The following COX16 variants were observed in gnomAD, a reference collection of about 807,000 sequenced individuals.
The protein encoded by COX16 is cytochrome c oxidase assembly protein COX16 homolog, mitochondrial.
Under a neutral mutation model 15.4 loss-of-function variants are expected in COX16, and 12 were observed. The observed-to-expected ratio is 0.78, with a 90% confidence interval of 0.50 to 1.26. COX16 has a LOEUF of 1.26. COX16 is among the 50% of genes most tolerant of loss of function. COX16 has a pLI of 0.00. For missense variants in COX16, 124 were observed against 127.6 expected (o/e 0.97, Z 0.14); for synonymous variants, 46 against 41.1 (o/e 1.12, Z -0.46).
At chr14:70,345,575 C>T (rs187815459) in intron 1 of COX16, among the ~76,000 whole-genome samples, 286 of 152,268 alleles carry the variant, frequency 1.9e-3, no homozygotes, top group Non-Finnish European at 3.2e-3. Context: ...TGCAATACAG[C>T]CTGGCCACAG....
Position 70,342,723 on chromosome 14 carries a change from T to C in COX16, c.76A>G (p.Ile26Val), listed in dbSNP as rs768414282. The change falls in exon 2 of 4, where the codon ATT becomes GTT. Residue 26 changes from isoleucine (I) to valine (V), a missense_variant. Coordinates refer to ENST00000389912, the MANE Select transcript of COX16 (RefSeq NM_016468.7). ...CGAAGACCAAAAGAACCTCCAACAATCAGCAACTAAAACAAAGAAAGGAAA... is the reference window on the plus strand; with the variant it reads ...CGAAGACCAAAAGAACCTCCAACAACCAGCAACTAAAACAAAGAAAGGAAA... The part of the protein sequence containing the change: ...LGYGVPMLLL[I>V]VGGSFGLREF... 1 of 1,612,608 alleles carries C rather than the reference T, an allele frequency of 6.2e-7. No individual in the cohort carries two copies. The highest frequency in any genetic ancestry group is 8.5e-7 in the Non-Finnish European group (1 of 1,179,594).
chr14:70,326,699 G>A (rs1886089684), intron 3 of COX16, among the ~76,000 whole-genome samples: 1 of 152,142 alleles, frequency 6.6e-6, no homozygotes, highest in African/African-American at 2.4e-5. Context: ...TAGAGAAAGA[G>A]TCTACATGCC....
intron 2 of COX16, among the ~76,000 whole-genome samples, chr14:70,330,848 A>G (rs74065307): frequency 0.074 from 11,286 of 152,248 alleles, 472 homozygotes; most frequent in Middle Eastern, 0.12. Context: ...CTCACATCAC[A>G]TACAAAAAAA....
chr14:70,332,986 T>G (rs1294616650), intron 2 of COX16, among the ~76,000 whole-genome samples: 1 of 152,158 alleles, frequency 6.6e-6, no homozygotes, highest in Non-Finnish European at 1.5e-5. Context: ...TTCATAAGAC[T>G]CACGGCAAGC....
intron 3 of COX16, among the ~76,000 whole-genome samples, chr14:70,328,951 C>T (rs2332419): frequency 0.87 from 132,499 of 152,092 alleles, 57,776 homozygotes; most frequent in East Asian, 0.93. Flanking sequence ...CTAGTACTTT[C>T]AGCATTTTGT....
At chr14:70,341,489 G>C (rs1180075600) in intron 2 of COX16, among the ~76,000 whole-genome samples, 1 of 152,164 alleles carries the variant, frequency 6.6e-6, no homozygotes, top group Non-Finnish European at 1.5e-5. Flanking sequence ...CAAAAGCTAT[G>C]TACTTCTGAA....
chr14:70,352,242 A>G (rs545191462), intron 1 of COX16, among the ~76,000 whole-genome samples: 3 of 152,326 alleles, frequency 2.0e-5, no homozygotes, highest in African/African-American at 7.2e-5. Context: ...GCTAGAGTGC[A>G]GAGGAGCGAT....
At chr14:70,353,359 CCCTA>C (rs1887023470) in intron 1 of COX16, among the ~76,000 whole-genome samples, 1 of 148,754 alleles carries the variant, frequency 6.7e-6, no homozygotes, top group African/African-American at 2.5e-5. Flanking sequence ...AAAGTTTGAT[CCCTA>C]CCTTTCTTTT....
chr14:70,352,364 T>G (rs912323438), intron 1 of COX16, among the ~76,000 whole-genome samples: 3 of 151,860 alleles, frequency 2.0e-5, no homozygotes, highest in Non-Finnish European at 4.4e-5. Context: ...TTTTTGTATT[T>G]TCACTAGATA....
intron 1 of COX16, 189 bp downstream of exon 1, chr14:70,359,330 G>A (rs187842891): frequency 1.8e-4 from 118 of 664,002 alleles, no homozygotes; most frequent in Admixed American, 9.3e-4. Flanking sequence ...GGGGGACAGC[G>A]GCGGGGAAGT....
chr14:70,334,594 G>C (rs916437695), intron 2 of COX16, among the ~76,000 whole-genome samples: 5 of 151,994 alleles, frequency 3.3e-5, no homozygotes, highest in African/African-American at 1.2e-4. Flanking sequence ...TTTTATTTTG[G>C]TTTTTCCTTT....
At chr14:70,359,251 T>C (rs1349625046) in intron 1 of COX16, 1 of 572,704 alleles carries the variant, frequency 1.7e-6, no homozygotes, top group Non-Finnish European at 3.3e-6. Context: ...ATGACCGCGT[T>C]CGACGATGGG....
intron 3 of COX16, chr14:70,328,046 G>A (rs1009796758): frequency 1.4e-5 from 2 of 144,232 alleles, no homozygotes; most frequent in African/African-American, 5.1e-5. Flanking sequence ...TGTTCTTCAG[G>A]AGTAAAAATT....
rs1451604100 is a variant in COX16 at position 70,326,541 on chromosome 14, G to GAAAGT, written c.205-97_205-93dup. 5.7e-6 allele frequency: 5 copies of GAAAGT among 880,472 alleles called. No individual in the cohort carries two copies. The African/African-American group carries it at 7.0e-5, about 12-fold the overall frequency. The allele number at this position is 880,472 out of a possible 1,614,324, so 54.5% of individuals were successfully genotyped here. On this transcript the variant is annotated intron_variant, in intron 3 of 3. Transcript: ENST00000389912. ...AACTAACTCAATGAATAAATGAGTA[G>GAAAGT]AAAGTATCCGATAGGTCCTCGATTA...
chr14:70,352,573 C>T (rs953717853), intron 1 of COX16, among the ~76,000 whole-genome samples: 1 of 114,632 alleles, frequency 8.7e-6, no homozygotes, highest in Non-Finnish European at 2.0e-5. Context: ...AAACATAATG[C>T]ATATTACATA....
chr14:70,327,234 A>T lies in COX16; in HGVS notation c.205-785T>A, dbSNP rs891161724. 2.0e-5 allele frequency among the ~76,000 whole-genome samples: 3 copies of T among 152,328 alleles called. No individual in the cohort carries two copies. In the South Asian group the frequency reaches 6.2e-4, roughly 32 times the overall value. Reference sequence around the variant, plus strand: ...GGAATAAATTTACCTTGACACTTGGATACTAAGCATTACTCTCTTACTAAC... The same window carrying T: ...GGAATAAATTTACCTTGACACTTGGTTACTAAGCATTACTCTCTTACTAAC... On this transcript the variant is annotated intron_variant, in intron 3 of 3. Coordinates refer to ENST00000389912, the MANE Select transcript of COX16 (RefSeq NM_016468.7).
intron 1 of COX16, among the ~76,000 whole-genome samples, chr14:70,348,375 C>T (rs940658763): frequency 6.6e-6 from 1 of 152,206 alleles, no homozygotes; most frequent in African/African-American, 2.4e-5. Context: ...CATGTAAACC[C>T]TGCCATGCTC....
chr14:70,349,336 C>T (rs1002203005), intron 1 of COX16, among the ~76,000 whole-genome samples: 2 of 152,186 alleles, frequency 1.3e-5, no homozygotes, highest in East Asian at 1.9e-4. Flanking sequence ...TAAACAGCTC[C>T]GCTATCTTCT....
intron 1 of COX16, among the ~76,000 whole-genome samples, chr14:70,344,383 C>T (rs370571648): frequency 4.1e-4 from 63 of 152,332 alleles, no homozygotes; most frequent in Non-Finnish European, 7.8e-4. Flanking sequence ...TCCCATAGTT[C>T]GGCCTATGCC....
Sources: gnomAD v4.1 joint callset for allele counts (sites outside exome capture counted in the v4.1 genomes callset) on GRCh38, gnomAD v4.1.1 for gene constraint, MANE v1.5 for transcripts, NCBI Gene and HGNC (gene_info 2026-07-23, HGNC 2026-07-21) for gene names.